Variants in PLXNA4 observed in about 807,000 individuals in gnomAD.
PLXNA4 encodes the protein plexin A4.
PLXNA4 carries 44 observed loss-of-function variants against 191.8 expected under a neutral mutation model. The ratio of observed to expected loss-of-function variants is 0.23; its 90% confidence interval spans 0.18 to 0.29. The LOEUF is 0.29. PLXNA4 is among the 10% of genes least tolerant of loss of function. The probability of loss-of-function intolerance (pLI) is 1.00; values close to 1 mark genes in which losing one functional copy is unlikely to be tolerated. For missense variants in PLXNA4, 1,800 were observed against 2,488.8 expected, an observed-to-expected ratio of 0.72 and a Z score of 5.89; for synonymous variants, 1,082 against 1,009.5, an observed-to-expected ratio of 1.07 and a Z score of -1.36.
intron 1 of PLXNA4, among the ~76,000 whole-genome samples, chr7:132,544,417 C>A (rs968301452): frequency 6.6e-6 from 1 of 152,196 alleles, no homozygotes; most frequent in Non-Finnish European, 1.5e-5. Context: ...CAGCACAATT[C>A]CCGTTTTGGG....
At chr7:132,481,829 A>T (rs1563124331) in intron 3 of PLXNA4, among the ~76,000 whole-genome samples, 1 of 152,160 alleles carries the variant, frequency 6.6e-6, no homozygotes, top group Non-Finnish European at 1.5e-5. Context: ...AGCACCTGGG[A>T]CTGCCTGCTG....
intron 23 of PLXNA4, among the ~76,000 whole-genome samples, chr7:132,164,800 G>A (rs1283637965): frequency 6.6e-6 from 1 of 152,254 alleles, no homozygotes; most frequent in Non-Finnish European, 1.5e-5. Flanking sequence ...CTGGGGCTGG[G>A]AGAGGGAAGA....
At chr7:132,365,352 T>TGCGCGCGC (rs1554424531) in intron 3 of PLXNA4, among the ~76,000 whole-genome samples, 172 of 89,852 alleles carry the variant, frequency 1.9e-3, no homozygotes, top group African/African-American at 0.011. Flanking sequence ...TGTGTGTGTG[T>TGCGCGCGC]GTGTGTGTGC....
chr7:132,641,315 G>A (rs994852285), intron 2 of PLXNA4, among the ~76,000 whole-genome samples: 228 of 152,292 alleles, frequency 1.5e-3, no homozygotes, highest in African/African-American at 5.2e-3. Context: ...TCAAGGTACA[G>A]GCAGCTTTGG....
chr7:132,402,696 C>A (rs1794042033), intron 3 of PLXNA4, among the ~76,000 whole-genome samples: 1 of 152,246 alleles, frequency 6.6e-6, no homozygotes, highest in African/African-American at 2.4e-5. Context: ...TGCTCCCGAG[C>A]CGCTCAGTCC....
chr7:132,484,720 C>T, intron 3 of PLXNA4: 2 of 1,544,498 alleles, frequency 1.3e-6, no homozygotes, highest in Non-Finnish European at 1.7e-6. Flanking sequence ...CATTGTATCT[C>T]CATTTGATTT....
intron 3 of PLXNA4, among the ~76,000 whole-genome samples, chr7:132,451,624 C>T (rs938628494): frequency 6.6e-6 from 1 of 152,176 alleles, no homozygotes; most frequent in African/African-American, 2.4e-5. Flanking sequence ...GCCTGATGGG[C>T]CCAGTGGGTA....
chr7:132,318,150 T>C (rs1802018514), intron 3 of PLXNA4, among the ~76,000 whole-genome samples: 1 of 152,086 alleles, frequency 6.6e-6, no homozygotes, highest in African/African-American at 2.4e-5. Context: ...GCAGGGGGAC[T>C]GGAGCGGAGA....
chr7:132,543,571 T>A (rs918234999), intron 1 of PLXNA4, among the ~76,000 whole-genome samples: 2 of 152,226 alleles, frequency 1.3e-5, no homozygotes, highest in Non-Finnish European at 2.9e-5. Context: ...CTAGTCTGCC[T>A]TTACTAGAAG....
chr7:132,554,076 A>C (rs1279003063), intron 1 of PLXNA4, among the ~76,000 whole-genome samples: 1 of 152,200 alleles, frequency 6.6e-6, no homozygotes, highest in Non-Finnish European at 1.5e-5. Flanking sequence ...AATTTTGCCC[A>C]AGGATACCCA....
intron 13 of PLXNA4, among the ~76,000 whole-genome samples, chr7:132,194,982 T>C (rs1053334018): frequency 1.3e-5 from 2 of 151,940 alleles, no homozygotes; most frequent in Non-Finnish European, 2.9e-5. Flanking sequence ...TTCTTCATTT[T>C]ACAAATGAAG....
intron 1 of PLXNA4, among the ~76,000 whole-genome samples, chr7:132,544,614 G>C (rs929518707): frequency 6.6e-6 from 1 of 152,122 alleles, no homozygotes; most frequent in Non-Finnish European, 1.5e-5. Context: ...TCTCACTATT[G>C]GTTCTACTGA....
intron 2 of PLXNA4, among the ~76,000 whole-genome samples, chr7:132,638,742 C>T (rs66596333): frequency 0.43 from 64,556 of 151,708 alleles, 13,965 homozygotes; most frequent in African/African-American, 0.45. Flanking sequence ...CCTTTTTACC[C>T]TGATCACATG....
intron 2 of PLXNA4, among the ~76,000 whole-genome samples, chr7:132,593,544 G>A (rs1802644581): frequency 6.6e-6 from 1 of 152,182 alleles, no homozygotes; most frequent in Admixed American, 6.5e-5. Flanking sequence ...CAGGAGGATG[G>A]CTCAGGAGAA....
intron 27 of PLXNA4, 70 bp from the exon 28 acceptor site, chr7:132,146,770 T>C: frequency 6.3e-7 from 1 of 1,577,510 alleles, no homozygotes; most frequent in Non-Finnish European, 8.6e-7. Flanking sequence ...TTACCATGCA[T>C]CCCTTGCTCC....
At chr7:132,569,565 G>A (rs188942294) in intron 1 of PLXNA4, among the ~76,000 whole-genome samples, 22 of 152,306 alleles carry the variant, frequency 1.4e-4, no homozygotes, top group African/African-American at 3.6e-4. Flanking sequence ...TTTAATCACC[G>A]ATCTAGACTA....
At position 132,187,540 on chromosome 7, in the gene PLXNA4, G is replaced by A; in HGVS notation, c.2924C>T (p.Thr975Ile). ...GCTTCCGGCATTCAGGTTGGTGCCT[G>A]TGATGGTCACTTGGGTCCCTCCGGA... The part of the protein sequence containing the change: ...PMSGGTQVTI[T>I]GTNLNAGSNV... Residue 975 changes from threonine (T) to isoleucine (I), a missense_variant, in exon 15 of 32, where the codon ACA becomes ATA. This residue lies in a region of PLXNA4 where 1,397 missense variants were observed against 1,880.4 expected (regional missense o/e 0.74). Coordinates refer to ENST00000321063, the MANE Select transcript of PLXNA4 (RefSeq NM_020911.2). The A allele has an allele frequency of 6.2e-7, 1 of 1,614,168 alleles. No homozygotes were observed. The highest frequency in any genetic ancestry group is 8.5e-7 in the Non-Finnish European group (1 of 1,180,002).
chr7:132,501,158 G>A (rs1184324649), intron 2 of PLXNA4, among the ~76,000 whole-genome samples: 3 of 152,180 alleles, frequency 2.0e-5, no homozygotes, highest in Non-Finnish European at 1.5e-5. Flanking sequence ...GTGGGGGTGA[G>A]GGAGAACAAG....
At chr7:132,460,566 A>G (rs769550919) in intron 3 of PLXNA4, among the ~76,000 whole-genome samples, 7 of 152,128 alleles carry the variant, frequency 4.6e-5, no homozygotes, top group Non-Finnish European at 1.0e-4. Context: ...TGGAAACCAA[A>G]TCAAGTCAGG....
Sources: gnomAD v4.1 joint callset for allele counts (sites outside exome capture counted in the v4.1 genomes callset) on GRCh38, gnomAD v4.1.1 for gene constraint, gnomAD v4.1.1 regional missense constraint, MANE v1.5 for transcripts, NCBI Gene and HGNC (gene_info 2026-07-23, HGNC 2026-07-21) for gene names.